The following PCDH11X variants were observed in gnomAD, a reference collection of about 807,000 sequenced individuals.
PCDH11X encodes the protein protocadherin-11 X-linked.
PCDH11X carries 18 observed loss-of-function variants against 53.3 expected under a neutral mutation model. The observed-to-expected ratio is 0.34, with a 90% CI of 0.23 to 0.50. PCDH11X has a LOEUF of 0.50. Ranked by LOEUF, PCDH11X falls within the 20% of genes least tolerant of loss-of-function variation. The pLI is 0.98. For synonymous variants in PCDH11X, 279 were observed against 393.3 expected (o/e 0.71, Z 3.44); for missense variants, 570 against 1,032.4 (o/e 0.55, Z 6.14).
rs369146113 is a variant in PCDH11X, at chrX:92,097,124, G to A, written c.3034-104251G>A. ...TCCTCTAAGATTAGAAAGCAAAATT[G>A]AAAAAGTCAGGGACCACGCATGGTG... is the stretch of plus-strand genomic sequence containing the variant. On this transcript the variant is annotated intron_variant, in intron 6 of 10. Coordinates refer to ENST00000682573, the MANE Select transcript of PCDH11X (RefSeq NM_032968.5). 3.6e-5 allele frequency among the ~76,000 whole-genome samples: 4 copies of A among 111,073 alleles called. No individual in the cohort carries two copies. The East Asian group carries it at 1.1e-3, about 31-fold the overall frequency.
chrX:91,933,740 G>A (rs2061414032), intron 6 of PCDH11X, among the ~76,000 whole-genome samples: 1 of 111,342 alleles, frequency 9.0e-6, no homozygotes, highest in Non-Finnish European at 1.9e-5. Flanking sequence ...AAATTTGTCA[G>A]TGAATAACTA....
At chrX:92,436,245 A>C (rs1603312127) in intron 9 of PCDH11X, among the ~76,000 whole-genome samples, 1 of 108,886 alleles carries the variant, frequency 9.2e-6, no homozygotes, top group Non-Finnish European at 1.9e-5. Flanking sequence ...ATTAATCATT[A>C]GAGAAATGCA....
chrX:91,818,435 C>A (rs6652612), intron 4 of PCDH11X, among the ~76,000 whole-genome samples: 13,500 of 110,017 alleles, frequency 0.12, 2,079 homozygotes, highest in African/African-American at 0.42. Flanking sequence ...CACGATGGCT[C>A]ACGCCTGTAA....
intron 9 of PCDH11X, among the ~76,000 whole-genome samples, chrX:92,405,968 G>A (rs2071500050): frequency 9.2e-6 from 1 of 108,333 alleles, no homozygotes; most frequent in Admixed American, 9.9e-5. Context: ...GGTGGCGGGC[G>A]CCTGTAGTCC....
chrX:92,140,926 C>T (rs1435828080), intron 6 of PCDH11X, among the ~76,000 whole-genome samples: 1 of 111,011 alleles, frequency 9.0e-6, no homozygotes, highest in Non-Finnish European at 1.9e-5. Flanking sequence ...TAAAAGTTGA[C>T]GAGTACATAA....
At chrX:92,389,449 G>T (rs1488885626) in intron 9 of PCDH11X, among the ~76,000 whole-genome samples, 4 of 110,870 alleles carry the variant, frequency 3.6e-5, no homozygotes, top group African/African-American at 1.3e-4. Flanking sequence ...TATAGAAATG[G>T]GATAAGTATC....
At chrX:92,143,318 G>A (rs988353013) in intron 6 of PCDH11X, among the ~76,000 whole-genome samples, 1 of 112,049 alleles carries the variant, frequency 8.9e-6, no homozygotes, top group Non-Finnish European at 1.9e-5. Flanking sequence ...ATGTCTCCAG[G>A]CCATGTCAGA....
At chrX:91,918,475 G>C (rs1303025425) in intron 6 of PCDH11X, among the ~76,000 whole-genome samples, 2 of 109,546 alleles carry the variant, frequency 1.8e-5, no homozygotes, top group Non-Finnish European at 3.8e-5. Flanking sequence ...TAAACCTCTA[G>C]GAAGAATATG....
intron 7 of PCDH11X, among the ~76,000 whole-genome samples, chrX:92,258,261 G>A (rs1464501662): frequency 9.0e-6 from 1 of 111,435 alleles, no homozygotes; most frequent in East Asian, 2.8e-4. Flanking sequence ...AGGCCTCTGG[G>A]CCTGTAATGG....
chrX:92,278,446 T>C (rs1159384564), intron 8 of PCDH11X, among the ~76,000 whole-genome samples: 3 of 111,178 alleles, frequency 2.7e-5, no homozygotes, highest in Non-Finnish European at 5.7e-5. Flanking sequence ...GCAGGCGGGC[T>C]GAGTCCGAAA....
chrX:91,888,291 G>A (rs1216877339), intron 6 of PCDH11X, among the ~76,000 whole-genome samples: 4 of 111,401 alleles, frequency 3.6e-5, no homozygotes, highest in African/African-American at 9.8e-5. Flanking sequence ...AACCTTATAT[G>A]TACCAATTAT....
intron 6 of PCDH11X, among the ~76,000 whole-genome samples, chrX:91,978,007 G>T (rs1429431552): frequency 5.4e-5 from 6 of 111,709 alleles, no homozygotes; most frequent in Non-Finnish European, 1.1e-4. Context: ...TAAGAAAACA[G>T]TTCTGATCGT....
chrX:91,855,973 A>G (rs1602369090), intron 5 of PCDH11X, among the ~76,000 whole-genome samples: 1 of 106,826 alleles, frequency 9.4e-6, no homozygotes. Flanking sequence ...TTCCTTTCCA[A>G]TTTGGATAAC....
chrX:92,312,133 C>T lies in PCDH11X; in HGVS notation c.3144+48990C>T, dbSNP rs1253770857. On this transcript the variant is annotated intron_variant, in intron 8 of 10. Transcript: ENST00000682573. ...AGTGCCAAAGAATGCCCTGGCCAGA[C>T]GTGTCTATGCATTGACTTTTTCCAT... Among the ~76,000 whole-genome samples, 6 of 111,028 alleles carry T rather than the reference C, an allele frequency of 5.4e-5. No individual in the cohort carries two copies. In the East Asian group the frequency reaches 1.4e-3, roughly 26 times the overall value.
At chrX:92,385,641 C>G (rs1481643192) in intron 8 of PCDH11X, among the ~76,000 whole-genome samples, 11 of 110,236 alleles carry the variant, frequency 1.0e-4, no homozygotes, top group Non-Finnish European at 1.3e-4. Flanking sequence ...CGAGACCAGC[C>G]TGGGCAACAT....
intron 8 of PCDH11X, among the ~76,000 whole-genome samples, chrX:92,354,996 C>A (rs1371387201): frequency 9.1e-6 from 1 of 109,343 alleles, no homozygotes; most frequent in Non-Finnish European, 1.9e-5. Flanking sequence ...AAATAGTCCC[C>A]ATTTATACTA....
intron 6 of PCDH11X, among the ~76,000 whole-genome samples, chrX:92,082,183 T>C (rs1266150560): frequency 5.5e-5 from 6 of 109,905 alleles, no homozygotes; most frequent in South Asian, 3.9e-4. Context: ...TAGAGAGAAA[T>C]AAAATTGAAT....
chrX:92,052,034 A>G (rs2063374755), intron 6 of PCDH11X, among the ~76,000 whole-genome samples: 1 of 109,762 alleles, frequency 9.1e-6, no homozygotes, highest in African/African-American at 3.3e-5. Flanking sequence ...GAAGTAACAA[A>G]AAGGTAAAAC....
chrX:92,212,392 G>A (rs5984911), intron 7 of PCDH11X, among the ~76,000 whole-genome samples: 1 of 109,557 alleles, frequency 9.1e-6, no homozygotes, highest in African/African-American at 3.3e-5. Context: ...CTATTGGTGC[G>A]CAGGCTGGAG....
Sources: gnomAD v4.1 joint callset for allele counts (sites outside exome capture counted in the v4.1 genomes callset) on GRCh38, gnomAD v4.1.1 for gene constraint, MANE v1.5 for transcripts, NCBI Gene and HGNC (gene_info 2026-07-23, HGNC 2026-07-21) for gene names.